Variants in METTL13 observed in about 807,000 individuals in gnomAD.
METTL13 encodes methyltransferase 13, eEF1A N-terminus and K55.
Under a neutral mutation model 67.4 loss-of-function variants are expected in METTL13, and 52 were observed. The observed-to-expected ratio is 0.77, with a 90% CI of 0.62 to 0.97. METTL13 has a LOEUF of 0.97. METTL13 is among the 50% of genes least tolerant of loss of function. METTL13 has a pLI of 0.00. For missense variants in METTL13, 825 were observed against 889.6 expected (o/e 0.93, Z 0.92); for synonymous variants, 354 against 353.6 (o/e 1.00, Z -0.01).
rs781641502 is a variant in METTL13 at position 171,784,332 on chromosome 1, G to A, written c.746G>A (p.Arg249Gln). 16 of 1,593,610 alleles carry A rather than the reference G, an allele frequency of 1.0e-5. No individual in the cohort carries two copies. The African/African-American group carries it at 1.3e-4, about 13-fold the overall frequency. The change falls in exon 2 of 8, where the codon CGA becomes CAA. Residue 249 changes from arginine to glutamine, a missense_variant. Arg to Gln is a conservative substitution (Grantham distance 43). Transcript: ENST00000361735. ...CGGCTGGCCGAGGCGGTGCAGGAGC[G>A]ACAGCAGTATGCCTGGCTGTGCAGC... is the stretch of plus-strand genomic sequence containing the variant. ...AERLAEAVQE[R>Q]QQYAWLCSQL...
At chr1:171,783,672 C>T in intron 1 of METTL13, 68 bp from the exon 2 acceptor site, 1 of 1,521,812 alleles carries the variant, frequency 6.6e-7, no homozygotes, top group Non-Finnish European at 8.8e-7. Context: ...GACTTGATTC[C>T]TTGAAGTACC....
chr1:171,781,967 C>G lies in METTL13; in HGVS notation c.-1C>G, dbSNP rs776090004. ...GAAAACGCAGCTTCGGCAGTAGGAA[C>G]ATGAACCTCTTACCTAAAAGTTCCA... On this transcript the variant is annotated 5_prime_UTR_variant, in exon 1 of 8. Coordinates refer to ENST00000361735, the MANE Select transcript of METTL13 (RefSeq NM_015935.5). 1.2e-6 allele frequency: 2 copies of G among 1,614,006 alleles called. No individual in the cohort carries two copies. The highest frequency in any genetic ancestry group is 2.2e-5 in the East Asian group (1 of 44,892).
chr1:171,789,717 C>A (rs781498814), intron 4 of METTL13, among the ~76,000 whole-genome samples: 3 of 152,112 alleles, frequency 2.0e-5, no homozygotes, highest in Non-Finnish European at 4.4e-5. Context: ...ATTTCTTAGA[C>A]GGGAGGTACC....
At chr1:171,784,558 T>TGGGCTG (rs1012608508) in intron 2 of METTL13, 59 bp downstream of exon 2, 23 of 1,391,724 alleles carry the variant, frequency 1.7e-5, no homozygotes, top group East Asian at 1.3e-4. Flanking sequence ...GGCTGGGGCT[T>TGGGCTG]GGGCTGGGGC....
intron 4 of METTL13, among the ~76,000 whole-genome samples, chr1:171,788,664 A>G (rs1364526477): frequency 1.3e-5 from 2 of 152,198 alleles, no homozygotes; most frequent in African/African-American, 4.8e-5. Flanking sequence ...TTTGTATTTT[A>G]AAAGTGATAC....
Position 171,787,827 on chromosome 1 carries a change from T to C in METTL13, c.1206T>C (p.Asp402=), listed in dbSNP as rs2124900551. 6.2e-7 allele frequency: 1 copy of C among 1,614,154 alleles called. No homozygotes were observed. The highest frequency in any genetic ancestry group is 8.5e-7 in the Non-Finnish European group (1 of 1,180,034). Residue 402 remains aspartate (D), a synonymous_variant, in exon 4 of 8, where the codon GAT becomes GAC. Transcript: ENST00000361735. The stretch of plus-strand genomic sequence containing the variant: ...TGAGCGGTGACTATGTCATTGAGGA[T>C]GTGCAAGGGGATGACAAGCGATACT... ...SPLSGDYVIE[D]VQGDDKRYFR...
intron 7 of METTL13, among the ~76,000 whole-genome samples, chr1:171,794,908 C>T (rs561147042): frequency 6.6e-6 from 1 of 152,156 alleles, no homozygotes; most frequent in East Asian, 1.9e-4. Context: ...TAGCCTCAAA[C>T]TCCTGGTCTC....
In METTL13 at chr1:171,790,433, C is replaced by T; in HGVS notation, c.1310-19C>T. ...GAGGACTAGTGTACTAAGCATAGGG[C>T]TTCATATCTCTTGTTTAGCCCAGAA... On this transcript the variant is annotated intron_variant, in intron 4 of 7. Coordinates refer to ENST00000361735, the MANE Select transcript of METTL13 (RefSeq NM_015935.5). 6.4e-7 allele frequency: 1 copy of T among 1,568,906 alleles called. No homozygotes were observed. The highest frequency in any genetic ancestry group is 1.2e-5 in the South Asian group (1 of 81,830).
chr1:171,794,689 A>G (rs1410002726), intron 7 of METTL13, among the ~76,000 whole-genome samples, 162 bp downstream of exon 7: 1 of 152,270 alleles, frequency 6.6e-6, no homozygotes, highest in Non-Finnish European at 1.5e-5. Context: ...CTTGCCAGAA[A>G]GTCGTATCTC....
rs375478063 is a variant in METTL13 at position 171,784,349 on chromosome 1, C to T, written c.763C>T (p.Leu255=). 41 of 1,583,316 alleles carry T rather than the reference C, an allele frequency of 2.6e-5. No homozygotes were observed. In the African/African-American group the frequency reaches 4.8e-4, roughly 19 times the overall value. The change falls in exon 2 of 8, where the codon CTG becomes TTG. Residue 255 remains leucine, a synonymous_variant. Transcript: ENST00000361735. The stretch of plus-strand genomic sequence containing the variant: ...GCAGGAGCGACAGCAGTATGCCTGG[C>T]TGTGCAGCCAGCTGCGCCGCAAGGC... ...AVQERQQYAW[L]CSQLRRKARL...
chr1:171,785,750 C>A, intron 2 of METTL13, 129 bp from the exon 3 acceptor site: 1 of 901,518 alleles, frequency 1.1e-6, no homozygotes, highest in Non-Finnish European at 1.7e-6. Context: ...GAATTGTTAG[C>A]TCCTCAGTGG....
chr1:171,790,025 T>G (rs1254758505), intron 4 of METTL13, among the ~76,000 whole-genome samples: 1 of 152,238 alleles, frequency 6.6e-6, no homozygotes, highest in Non-Finnish European at 1.5e-5. Context: ...TGGTACCAAC[T>G]TCTGCATTTG....
Position 171,794,507 on chromosome 1 carries a change from A to G in METTL13, c.1805A>G (p.Lys602Arg). 6.2e-7 allele frequency: 1 copy of G among 1,614,234 alleles called. No individual in the cohort carries two copies. The highest frequency in any genetic ancestry group is 1.1e-5 in the South Asian group (1 of 91,084). Reference protein sequence around the residue: ...FVEQSFLQKVKSILTPEGVFI... With the variant: ...FVEQSFLQKVRSILTPEGVFI... ...GAGCAATCTTTTCTACAGAAGGTTA[A>G]AAGCATCTTGACTCCTGAAGGTATG... Residue 602 changes from lysine to arginine, a missense_variant, in exon 7 of 8, where the codon AAA (lysine) becomes AGA (arginine). Physicochemically the swap from Lys to Arg is conservative, Grantham distance 26 (BLOSUM62 2). Coordinates refer to ENST00000361735, the MANE Select transcript of METTL13 (RefSeq NM_015935.5).
Position 171,797,063 on chromosome 1 carries a change from C to T in METTL13, c.*307C>T. 1 of 320,378 alleles carries T rather than the reference C, an allele frequency of 3.1e-6. No individual in the cohort carries two copies. The highest frequency in any genetic ancestry group is 5.9e-6 in the Non-Finnish European group (1 of 170,836). The allele number at this position is 320,378 out of a possible 1,614,324, so 19.8% of individuals were successfully genotyped here. A position where few individuals can be genotyped will look rare whatever the true frequency, so the allele number is the denominator to read the frequency against. On this transcript the variant is annotated 3_prime_UTR_variant, in exon 8 of 8. Transcript: ENST00000361735. ...GCATGCCTTAACAAGTGTGTGCAAGCCCCTCAGAACTCAAGACATCCAAAT... is the reference window on the plus strand; with the variant it reads ...GCATGCCTTAACAAGTGTGTGCAAGTCCCTCAGAACTCAAGACATCCAAAT...
intron 7 of METTL13, among the ~76,000 whole-genome samples, chr1:171,796,256 A>G (rs1314421119): frequency 6.6e-6 from 1 of 152,212 alleles, no homozygotes; most frequent in Non-Finnish European, 1.5e-5. Flanking sequence ...TGAGCAGCAC[A>G]GAAGAGCAAG....
intron 4 of METTL13, among the ~76,000 whole-genome samples, chr1:171,788,937 C>A (rs913379005): frequency 2.0e-5 from 3 of 152,130 alleles, no homozygotes; most frequent in Non-Finnish European, 4.4e-5. Context: ...AGTTACCCAG[C>A]GAAATGGTAT....
intron 5 of METTL13, among the ~76,000 whole-genome samples, chr1:171,791,224 C>T (rs1657194289): frequency 6.6e-6 from 1 of 152,184 alleles, no homozygotes; most frequent in South Asian, 2.1e-4. Context: ...CTTCGGGTGA[C>T]TTTTGTTGTC....
At chr1:171,791,949 T>C (rs1657220847) in intron 5 of METTL13, 68 bp from the exon 6 acceptor site, 15 of 1,550,560 alleles carry the variant, frequency 9.7e-6, no homozygotes, top group Non-Finnish European at 1.3e-5. Flanking sequence ...CCTTTTGCCT[T>C]CCCTGAGGCT....
rs1164920659 is a variant in METTL13 at position 171,796,565 on chromosome 1, C to G, written c.1909C>G (p.Leu637Val). 1.2e-6 allele frequency: 2 copies of G among 1,614,212 alleles called. No individual in the cohort carries two copies. Among genetic ancestry groups the G allele is most frequent in the Non-Finnish European group, 1.7e-6 (2 of 1,180,044 alleles). ...TGGGCTCAAGGCAGTGTTCCCCCTCCTATATGTCCGGCGAATTGAGGGTGA... is the reference window on the plus strand; with the variant it reads ...TGGGCTCAAGGCAGTGTTCCCCCTCGTATATGTCCGGCGAATTGAGGGTGA... ...LAGLKAVFPL[L>V]YVRRIEGEVN... Residue 637 changes from leucine (L) to valine (V), a missense_variant, in exon 8 of 8, where the codon CTA becomes GTA. Coordinates refer to ENST00000361735, the MANE Select transcript of METTL13 (RefSeq NM_015935.5).
Sources: allele counts gnomAD v4.1 joint callset (sites outside exome capture counted in the v4.1 genomes callset), GRCh38; gene constraint gnomAD v4.1.1; transcripts MANE v1.5; gene names NCBI Gene and HGNC (gene_info 2026-07-23, HGNC 2026-07-21).